The following UGT1A7 variants were observed in gnomAD, a reference collection of about 807,000 sequenced individuals.
UGT1A7 encodes the protein UDP glucuronosyltransferase family 1 member A7, also known as UDP-glucuronosyltransferase 1A7.
In UGT1A7, 33 loss-of-function variants were observed where a neutral mutation model predicts 45.6. That is an observed-to-expected ratio of 0.72 (90% confidence interval 0.55 to 0.97). The LOEUF is 0.97. Ranked by LOEUF, UGT1A7 falls within the 50% of genes least tolerant of loss-of-function variation. UGT1A7 has a pLI of 0.00. For synonymous variants in UGT1A7, 274 were observed against 250.6 expected, an observed-to-expected ratio of 1.09 and a Z score of -0.88; for missense variants, 684 against 666.2, an observed-to-expected ratio of 1.03 and a Z score of -0.29.
chr2:233,726,121 A>G (rs2077505060), intron 1 of UGT1A7, among the ~76,000 whole-genome samples: 1 of 152,216 alleles, frequency 6.6e-6, no homozygotes, highest in South Asian at 2.1e-4. Context: ...TGCCATGTTC[A>G]CACCACCTCA....
intron 1 of UGT1A7, chr2:233,694,016 A>T: frequency 2.2e-6 from 3 of 1,386,912 alleles, no homozygotes; most frequent in Non-Finnish European, 2.9e-6. Flanking sequence ...GCGGGAACAC[A>T]TAGGAGACCT....
chr2:233,767,929 T>C lies in UGT1A7; in HGVS notation c.1068T>C (p.Asp356=). 3.1e-6 allele frequency: 5 copies of C among 1,614,196 alleles called. No individual in the cohort carries two copies. Among genetic ancestry groups the C allele is most frequent in the Non-Finnish European group, 3.4e-6 (4 of 1,180,048 alleles). ...TILVKWLPQN[D]LLGHPMTRAF... is the part of the protein sequence containing the mutation. ...TTGTTAAGTGGCTACCCCAAAACGATCTGCTTGGTATGTTGGGCGGATTGG... is the reference window on the plus strand; with the variant it reads ...TTGTTAAGTGGCTACCCCAAAACGACCTGCTTGGTATGTTGGGCGGATTGG... Residue 356 remains aspartate, a synonymous_variant, in exon 3 of 5, where the codon GAT becomes GAC. Transcript: ENST00000373426.
chr2:233,747,244 T>C lies in UGT1A7; in HGVS notation c.856-19790T>C, dbSNP rs911449982. The stretch of plus-strand genomic sequence containing the variant: ...CACAGGACCCCAGGTTCCCCTGCTG[T>C]GGCTGGCCACAGGAGTGCTACTCCT... On this transcript the variant is annotated intron_variant, in intron 1 of 4. Coordinates refer to ENST00000373426, the MANE Select transcript of UGT1A7 (RefSeq NM_019077.3). 6 of 1,602,806 alleles carry C rather than the reference T, an allele frequency of 3.7e-6. No homozygotes were observed. The African/African-American group carries it at 5.4e-5, about 14-fold the overall frequency.
chr2:233,711,832 G>A (rs536118368), intron 1 of UGT1A7, among the ~76,000 whole-genome samples: 12 of 152,322 alleles, frequency 7.9e-5, no homozygotes, highest in Non-Finnish European at 1.8e-4. Context: ...AGGACAAGGA[G>A]GCGTCAGCAA....
rs1228261525 is a variant in UGT1A7 at position 233,707,568 on chromosome 2, T to G, written c.855+24776T>G. On this transcript the variant is annotated intron_variant, in intron 1 of 4. Transcript: ENST00000373426. ...TTTTTTTTTTGGTTCAACCTTATGT[T>G]TGAGAGATTCATGATGTGTGTTTTT... Among the ~76,000 whole-genome samples the G allele has an allele frequency of 2.0e-5, 3 of 152,064 alleles. No homozygotes were observed. In the East Asian group the frequency reaches 5.8e-4, roughly 29 times the overall value.
intron 1 of UGT1A7, chr2:233,693,397 G>A (rs2075151019): frequency 6.2e-7 from 1 of 1,614,030 alleles, no homozygotes; most frequent in African/African-American, 1.3e-5. Context: ...GCCTCCTGCA[G>A]GACAGGGACA....
chr2:233,713,649 C>A lies in UGT1A7; in HGVS notation c.855+30857C>A, dbSNP rs2076336502. 5.6e-6 allele frequency: 9 copies of A among 1,613,872 alleles called. No individual in the cohort carries two copies. The East Asian group carries it at 2.0e-4, about 36-fold the overall frequency. On this transcript the variant is annotated intron_variant, in intron 1 of 4. Transcript: ENST00000373426. ...CAAGAACATGCTCTACCCTCTGGCC[C>A]TGTCCTACCTTTGCCATGCTGTTTC... is the stretch of plus-strand genomic sequence containing the variant.
intron 1 of UGT1A7, among the ~76,000 whole-genome samples, chr2:233,728,111 A>G (rs1242261758): frequency 6.6e-6 from 1 of 152,146 alleles, no homozygotes; most frequent in Non-Finnish European, 1.5e-5. Context: ...TTAATTCTCC[A>G]TCTTGAAATT....
Position 233,772,379 on chromosome 2 carries a change from G to A in UGT1A7, c.1413G>A (p.Leu471=), listed in dbSNP as rs1255487594. ...FVMRHKGAPH[L]RPAAHDLTWY... is the part of the protein sequence containing the mutation. ...TGAGGCACAAGGGCGCGCCACACCTGCGCCCCGCAGCCCACGACCTCACCT... is the reference window on the plus strand; with the variant it reads ...TGAGGCACAAGGGCGCGCCACACCTACGCCCCGCAGCCCACGACCTCACCT... The change falls in exon 5 of 5, where the codon CTG becomes CTA. Residue 471 remains leucine, a synonymous_variant. Transcript: ENST00000373426. 1.2e-6 allele frequency: 2 copies of A among 1,614,130 alleles called. No individual in the cohort carries two copies. The highest frequency in any genetic ancestry group is 2.7e-5 in the African/African-American group (2 of 74,950).
At chr2:233,728,832 C>T (rs2077754724) in intron 1 of UGT1A7, among the ~76,000 whole-genome samples, 1 of 152,118 alleles carries the variant, frequency 6.6e-6, no homozygotes, top group African/African-American at 2.4e-5. Flanking sequence ...GTGTTCACAG[C>T]CTTGTGTTGG....
In UGT1A7 at chr2:233,709,929, AC is replaced by A. The variant is rs753284921; in HGVS notation, c.855+27140del. 8.4e-4 allele frequency among the ~76,000 whole-genome samples: 128 copies of A among 152,252 alleles called. 1 individual carries two copies. Among genetic ancestry groups the A allele is most frequent in the Non-Finnish European group, 3.8e-4 (26 of 68,008 alleles). ...CTAATACCTCCCCTCACCTTAGGCA[AC>A]CCTGGATGGTTTCTGTTGCTGGATA... On this transcript the variant is annotated intron_variant, in intron 1 of 4. Coordinates refer to ENST00000373426, the MANE Select transcript of UGT1A7 (RefSeq NM_019077.3).
intron 1 of UGT1A7, chr2:233,708,298 T>C (rs1286696664): frequency 6.6e-6 from 1 of 152,250 alleles, no homozygotes; most frequent in African/African-American, 2.4e-5. Context: ...CTTTCAGTTT[T>C]TGACAATCCA....
At chr2:233,724,723 C>T (rs1313169772) in intron 1 of UGT1A7, among the ~76,000 whole-genome samples, 1 of 144,588 alleles carries the variant, frequency 6.9e-6, no homozygotes, top group African/African-American at 2.6e-5. Flanking sequence ...GACTGGGCAG[C>T]CAGGCAGAGG....
chr2:233,752,890 C>T lies in UGT1A7; in HGVS notation c.856-14144C>T, dbSNP rs537828663. Among the ~76,000 whole-genome samples, 6 of 152,322 alleles carry T rather than the reference C, an allele frequency of 3.9e-5. No homozygotes were observed. In the East Asian group the frequency reaches 1.2e-3, roughly 29 times the overall value. On this transcript the variant is annotated intron_variant, in intron 1 of 4. Coordinates refer to ENST00000373426, the MANE Select transcript of UGT1A7 (RefSeq NM_019077.3). Reference sequence around the variant, plus strand: ...GCTTTCAACTGTTAAAACTAGCCAGCGTTGTTACAGATCCACCTCTGAGTG... The same window carrying T: ...GCTTTCAACTGTTAAAACTAGCCAGTGTTGTTACAGATCCACCTCTGAGTG...
chr2:233,769,820 A>C lies in UGT1A7; in HGVS notation c.1295+1381A>C, dbSNP rs1699945956. 1.3e-5 allele frequency: 11 copies of C among 843,066 alleles called. No individual in the cohort carries two copies. The highest frequency in any genetic ancestry group is 1.5e-5 in the Non-Finnish European group (9 of 599,386). The allele number at this position is 843,066 out of a possible 1,614,324, so 52.2% of individuals were successfully genotyped here. On this transcript the variant is annotated intron_variant, in intron 4 of 4. Transcript: ENST00000373426. The surrounding 1 kb of genome is among the most constrained non-coding windows in gnomAD (Gnocchi z 4.4). ...CTATGAGCCGTGATCATGCCACTGCACTCCAGCAACCTGGGCAACAGAGTG... is the reference window on the plus strand; with the variant it reads ...CTATGAGCCGTGATCATGCCACTGCCCTCCAGCAACCTGGGCAACAGAGTG...
In UGT1A7 at chr2:233,743,718, G is replaced by A. The variant is rs751411472; in HGVS notation, c.856-23316G>A. The stretch of plus-strand genomic sequence containing the variant: ...CCCTCCGCCCCCGCCTCGCCATAGC[G>A]GTCATAGATATCGCGTTTCTTGGCG... On this transcript the variant is annotated intron_variant, in intron 1 of 4. Transcript: ENST00000373426. The A allele has an allele frequency of 1.2e-5, 16 of 1,367,210 alleles. No homozygotes were observed. In the East Asian group the frequency reaches 1.8e-4, roughly 16 times the overall value. 84.7% of individuals were successfully genotyped at this position (1,367,210 alleles called of 1,614,324 possible). A position where few individuals can be genotyped will look rare whatever the true frequency, so the allele number is the denominator to read the frequency against.
chr2:233,703,764 G>T (rs1013118641), intron 1 of UGT1A7, among the ~76,000 whole-genome samples: 4 of 152,032 alleles, frequency 2.6e-5, no homozygotes, highest in Admixed American at 6.6e-5. Context: ...ATCTTCTGCA[G>T]ACAAGATATT....
At chr2:233,729,994 G>T in intron 1 of UGT1A7, 10 of 1,613,954 alleles carry the variant, frequency 6.2e-6, no homozygotes, top group African/African-American at 1.3e-5. Context: ...ACTATCTCAG[G>T]TCTGTATTGG....
At chr2:233,737,360 A>G (rs540165116) in intron 1 of UGT1A7, among the ~76,000 whole-genome samples, 5 of 152,246 alleles carry the variant, frequency 3.3e-5, no homozygotes, top group Admixed American at 6.5e-5. Flanking sequence ...GGAGCTGCTA[A>G]GCCAGGCAGG....
Sources: allele counts gnomAD v4.1 joint callset (sites outside exome capture counted in the v4.1 genomes callset), GRCh38; gene constraint gnomAD v4.1.1; non-coding constraint Gnocchi (gnomAD v3.1); transcripts MANE v1.5; gene names NCBI Gene and HGNC (gene_info 2026-07-23, HGNC 2026-07-21).